ANKRD35: variants seen among roughly 807,000 people sequenced by gnomAD.
ANKRD35 encodes the protein ankyrin repeat domain 35.
Under a neutral mutation model 109.9 loss-of-function variants are expected in ANKRD35, and 102 were observed. The observed-to-expected ratio is 0.93, with a 90% CI of 0.79 to 1.09. The LOEUF (loss-of-function observed/expected upper bound fraction) is 1.09, where lower values mean the gene tolerates loss of function less well. ANKRD35 is among the 50% of genes least tolerant of loss of function. The pLI is 0.00. For synonymous variants in ANKRD35, 515 were observed against 512.4 expected (o/e 1.01, Z -0.07); for missense variants, 1,240 against 1,230.1 (o/e 1.01, Z -0.12).
intron 8 of ANKRD35, 148 bp downstream of exon 8, chr1:145,874,674 G>T: frequency 1.0e-6 from 1 of 990,202 alleles, no homozygotes; most frequent in Non-Finnish European, 1.4e-6. Flanking sequence ...GGGATTTGGG[G>T]TCCTCTCACA....
At chr1:145,871,919 A>G in intron 10 of ANKRD35, 63 bp downstream of exon 10, 1 of 1,582,204 alleles carries the variant, frequency 6.3e-7, no homozygotes, top group East Asian at 2.3e-5. Context: ...GATTCAGGTT[A>G]GTAAACTCCC....
intron 10 of ANKRD35, among the ~76,000 whole-genome samples, chr1:145,870,306 A>C (rs1213111147): frequency 5.3e-5 from 8 of 151,690 alleles, no homozygotes; most frequent in Non-Finnish European, 8.8e-5. Context: ...GTTAGCCAGG[A>C]TGGTCTCGAT....
At chr1:145,876,094 A>G (rs1553739989) in intron 7 of ANKRD35, 46 bp downstream of exon 7, 1 of 1,558,726 alleles carries the variant, frequency 6.4e-7, no homozygotes, top group African/African-American at 1.4e-5. Context: ...TTCTTTCTAA[A>G]TTGGTCAGGC....
rs782018920 is a variant in ANKRD35 at position 145,873,860 on chromosome 1, T to C, written c.909A>G (p.Glu303=). The C allele has an allele frequency of 6.2e-6, 10 of 1,613,654 alleles. 1 individual carries two copies. The highest frequency in any genetic ancestry group is 3.3e-4 in the Middle Eastern group (2 of 6,060). The part of the protein sequence containing the change: ...PCSEEWRWKY[E]EERRKVVRLE... ...GCCGAACAACTTTCCTCCGCTCCTC[T>C]TCATACTTCCACCTCCACTCCTCCG... Residue 303 remains glutamate, a synonymous_variant, in exon 10 of 14, where the codon GAA becomes GAG. Transcript: ENST00000355594.
At chr1:145,879,986 C>T (rs1654228229) in intron 1 of ANKRD35, among the ~76,000 whole-genome samples, 1 of 152,180 alleles carries the variant, frequency 6.6e-6, no homozygotes, top group African/African-American at 2.4e-5. Context: ...TTTCTGTTTT[C>T]CCATATCATA....
rs1553739623 is a variant in ANKRD35 at position 145,874,160 on chromosome 1, A to T, written c.778T>A (p.Ser260Thr). 6.2e-7 allele frequency: 1 copy of T among 1,614,164 alleles called. No individual in the cohort carries two copies. Among genetic ancestry groups the T allele is most frequent in the Admixed American group, 1.7e-5 (1 of 60,008 alleles). ...QRLVQHPDLA[S>T]QASPSEPQAG... ...GGAGGCACTTAGGGTCTTACCTGGG[A>T]TGCGAGATCTGGGTGCTGGACTAGC... Residue 260 changes from serine to threonine, a missense_variant, in exon 9 of 14, where the codon TCC becomes ACC. By Grantham distance (58) the Ser-to-Thr change is moderately conservative. Coordinates refer to ENST00000355594, the MANE Select transcript of ANKRD35 (RefSeq NM_144698.5).
At chr1:145,869,353 T>C (rs185437278) in intron 10 of ANKRD35, among the ~76,000 whole-genome samples, 115 of 152,146 alleles carry the variant, frequency 7.6e-4, no homozygotes, top group Non-Finnish European at 6.6e-4. Context: ...AGATAATTTT[T>C]GTATTTTTAG....
In ANKRD35 at chr1:145,873,344, T is replaced by C. The variant is rs1553739320; in HGVS notation, c.1425A>G (p.Pro475=). 2 of 1,614,202 alleles carry C rather than the reference T, an allele frequency of 1.2e-6. No homozygotes were observed. The highest frequency in any genetic ancestry group is 4.5e-5 in the East Asian group (2 of 44,870). ...KESSQVLGVE[P]GGTVAEPVGP... is the part of the protein sequence containing the mutation. ...CCACTGGTTCAGCCACTGTGCCTCCTGGTTCAACTCCTAGAACCTGGGAAC... is the reference window on the plus strand; with the variant it reads ...CCACTGGTTCAGCCACTGTGCCTCCCGGTTCAACTCCTAGAACCTGGGAAC... Residue 475 remains proline (P), a synonymous_variant, in exon 10 of 14, where the codon CCA becomes CCG. Coordinates refer to ENST00000355594, the MANE Select transcript of ANKRD35 (RefSeq NM_144698.5).
At position 145,867,982 on chromosome 1, in the gene ANKRD35, C is replaced by T; in HGVS notation, c.2943+9G>A. ...GTCTATACCTCCCTCAAAACTCCACCATGCTCACCCGAGCAGCATTCAGTA... is the reference window on the plus strand; with the variant it reads ...GTCTATACCTCCCTCAAAACTCCACTATGCTCACCCGAGCAGCATTCAGTA... On this transcript the variant is annotated intron_variant, in intron 12 of 13. Coordinates refer to ENST00000355594, the MANE Select transcript of ANKRD35 (RefSeq NM_144698.5). The T allele has an allele frequency of 1.2e-6, 2 of 1,613,970 alleles. No homozygotes were observed. Among genetic ancestry groups the T allele is most frequent in the Non-Finnish European group, 1.7e-6 (2 of 1,179,836 alleles).
At chr1:145,876,324 T>C (rs1570802714) in intron 6 of ANKRD35, 78 bp from the exon 7 acceptor site, 4 of 1,382,790 alleles carry the variant, frequency 2.9e-6, no homozygotes, top group Non-Finnish European at 4.0e-6. Flanking sequence ...TCCCCTCCCC[T>C]CACACCTGTC....
intron 1 of ANKRD35, among the ~76,000 whole-genome samples, chr1:145,882,080 G>A (rs1316359337): frequency 7.0e-6 from 1 of 143,630 alleles, no homozygotes; most frequent in Non-Finnish European, 1.5e-5. Context: ...TCAGCCTCCC[G>A]AGTAGCTGGG....
intron 1 of ANKRD35, among the ~76,000 whole-genome samples, chr1:145,885,044 G>A (rs1553741663): frequency 6.6e-6 from 1 of 152,238 alleles, no homozygotes; most frequent in African/African-American, 2.4e-5. Context: ...GAGTAGGGCA[G>A]AGGTTGGAGG....
chr1:145,873,097 T>A lies in ANKRD35; in HGVS notation c.1672A>T (p.Lys558Ter). Residue 558 changes from lysine to a stop codon, truncating the protein, a stop_gained, in exon 10 of 14, where the codon AAA becomes TAA. Coordinates refer to ENST00000355594, the MANE Select transcript of ANKRD35 (RefSeq NM_144698.5). LOFTEE classifies it high-confidence loss of function. ...LEWAKAGLQV[K>*]PEVPSQESRE... is the part of the protein sequence containing the mutation. The stretch of plus-strand genomic sequence containing the variant: ...GACTCCTGGGAAGGAACCTCAGGTT[T>A]CACCTGTAGTCCTGCCTTTGCCCAT... 6.2e-7 allele frequency: 1 copy of A among 1,613,438 alleles called. No individual in the cohort carries two copies. The highest frequency in any genetic ancestry group is 8.5e-7 in the Non-Finnish European group (1 of 1,179,716).
At position 145,873,071 on chromosome 1, in the gene ANKRD35, G is replaced by T; in HGVS notation, c.1698C>A (p.Ser566=). The change falls in exon 10 of 14, where the codon TCC becomes TCA. Residue 566 remains serine, a synonymous_variant. Transcript: ENST00000355594. ...QVKPEVPSQE[S]REGALKAAPG... is the part of the protein sequence containing the mutation. ...GGGCTGCCTTTAGGGCTCCCTCTCTGGACTCCTGGGAAGGAACCTCAGGTT... is the reference window on the plus strand; with the variant it reads ...GGGCTGCCTTTAGGGCTCCCTCTCTTGACTCCTGGGAAGGAACCTCAGGTT... 1 of 1,612,026 alleles carries T rather than the reference G, an allele frequency of 6.2e-7. No homozygotes were observed. Among genetic ancestry groups the T allele is most frequent in the South Asian group, 1.1e-5 (1 of 90,822 alleles).
intron 1 of ANKRD35, among the ~76,000 whole-genome samples, chr1:145,883,464 C>T (rs1553741452): frequency 1.3e-5 from 2 of 152,202 alleles, no homozygotes; most frequent in African/African-American, 4.8e-5. Flanking sequence ...AGGTAAGATA[C>T]CCTCAAGGAT....
rs587609266 is a variant in ANKRD35 at position 145,877,001 on chromosome 1, T to C, written c.325-128A>G. The C allele has an allele frequency of 4.4e-5, 39 of 884,182 alleles. No individual in the cohort carries two copies. The African/African-American group carries it at 5.2e-4, about 12-fold the overall frequency. 54.8% of individuals were successfully genotyped at this position (884,182 alleles called of 1,614,324 possible). Reference sequence around the variant, plus strand: ...AGGAGGTCCACTTTGGAGAAGGCTATCTACTAGGCAAGCCCAGTTCATCCA... The same window carrying C: ...AGGAGGTCCACTTTGGAGAAGGCTACCTACTAGGCAAGCCCAGTTCATCCA... On this transcript the variant is annotated intron_variant, in intron 4 of 13. Coordinates refer to ENST00000355594, the MANE Select transcript of ANKRD35 (RefSeq NM_144698.5).
Position 145,872,618 on chromosome 1 carries a change from A to C in ANKRD35, c.2151T>G (p.Ser717Arg). The change falls in exon 10 of 14, where the codon AGT becomes AGG. Residue 717 changes from serine (S) to arginine (R), a missense_variant. Ser to Arg is a moderately radical substitution (Grantham distance 110, BLOSUM62 -1). Coordinates refer to ENST00000355594, the MANE Select transcript of ANKRD35 (RefSeq NM_144698.5). ...GGGACTCCGCTGCTTTGCTTTGTGC[A>C]CTCCTCTCGCCCACTAGGTCTGCGG... ...CLPADLVGER[S>R]AQSKAAESLE... 2.5e-6 allele frequency: 4 copies of C among 1,613,418 alleles called. No homozygotes were observed. Among genetic ancestry groups the C allele is most frequent in the Non-Finnish European group, 3.4e-6 (4 of 1,179,810 alleles).
chr1:145,869,565 T>A (rs1036373787), intron 10 of ANKRD35, among the ~76,000 whole-genome samples: 13 of 152,092 alleles, frequency 8.5e-5, no homozygotes, highest in African/African-American at 3.1e-4. Flanking sequence ...AACCTCTAAA[T>A]CCTGGGCTCA....
intron 7 of ANKRD35, 70 bp downstream of exon 7, chr1:145,876,070 C>T (rs1470820966): frequency 3.1e-5 from 42 of 1,342,420 alleles, no homozygotes; most frequent in Middle Eastern, 3.6e-4. Context: ...CACACACACA[C>T]GTTGCCCACT....
Sources: gnomAD v4.1 joint callset for allele counts (sites outside exome capture counted in the v4.1 genomes callset) on GRCh38, gnomAD v4.1.1 for gene constraint, MANE v1.5 for transcripts, NCBI Gene and HGNC (gene_info 2026-07-23, HGNC 2026-07-21) for gene names.